The following LDAH variants were observed in gnomAD, a reference collection of about 807,000 sequenced individuals.
The protein encoded by LDAH is lipid droplet associated hydrolase, also known as lipid droplet-associated hydrolase.
In LDAH, 26 loss-of-function variants were observed where a neutral mutation model predicts 29.6. The observed-to-expected ratio is 0.88, with a 90% confidence interval of 0.64 to 1.22. The LOEUF (loss-of-function observed/expected upper bound fraction) is 1.22. Among genes scored for constraint, LDAH ranks in the 50% most tolerant of loss-of-function variants. LDAH has a pLI of 0.00. For missense variants in LDAH, 344 were observed against 387.3 expected, an observed-to-expected ratio of 0.89 and a Z score of 0.94; for synonymous variants, 117 against 133.0, an observed-to-expected ratio of 0.88 and a Z score of 0.83.
At chr2:20,782,108 G>C (rs944591036) in intron 3 of LDAH, among the ~76,000 whole-genome samples, 1 of 152,104 alleles carries the variant, frequency 6.6e-6, no homozygotes, top group African/African-American at 2.4e-5. Context: ...TGAAAATGTG[G>C]TCCCGAAAAT....
intron 1 of LDAH, among the ~76,000 whole-genome samples, chr2:20,822,303 A>G (rs2125188009): frequency 6.6e-6 from 1 of 151,770 alleles, no homozygotes; most frequent in South Asian, 2.1e-4. Flanking sequence ...TTATTTATTT[A>G]TGTATTTATT....
chr2:20,725,791 C>G (rs918836593), intron 5 of LDAH, among the ~76,000 whole-genome samples: 1 of 152,266 alleles, frequency 6.6e-6, no homozygotes, highest in Non-Finnish European at 1.5e-5. Flanking sequence ...AGGCCTTTTG[C>G]CTTTCTCCCC....
At chr2:20,745,181 C>T (rs1558436246) in intron 4 of LDAH, among the ~76,000 whole-genome samples, 3 of 152,264 alleles carry the variant, frequency 2.0e-5, no homozygotes, top group East Asian at 3.9e-4. Flanking sequence ...AAAGTAGAAA[C>T]ACTGGGTCAT....
chr2:20,683,816 A>G (rs565510862), downstream of LDAH, among the ~76,000 whole-genome samples: 36 of 152,310 alleles, frequency 2.4e-4, no homozygotes, highest in African/African-American at 7.9e-4. Flanking sequence ...TATGCCAGGC[A>G]ACATACTAAA....
chr2:20,796,143 A>G lies in LDAH; in HGVS notation c.154+5167T>C, dbSNP rs144364377. 1.3e-3 allele frequency among the ~76,000 whole-genome samples: 200 copies of G among 152,298 alleles called. 1 individual carries two copies. The highest frequency in any genetic ancestry group is 4.5e-3 in the African/African-American group (188 of 41,562). ...CCTCCATTCTCAGTGTCTTCACTGAATACTCCCTTTATCTCCTCACCATAT... is the reference window on the plus strand; with the variant it reads ...CCTCCATTCTCAGTGTCTTCACTGAGTACTCCCTTTATCTCCTCACCATAT... On this transcript the variant is annotated intron_variant, in intron 2 of 6. Transcript: ENST00000237822.
chr2:20,817,480 C>T (rs1159179068), intron 1 of LDAH, among the ~76,000 whole-genome samples: 2 of 152,026 alleles, frequency 1.3e-5, no homozygotes, highest in Non-Finnish European at 2.9e-5. Context: ...TCTACCTATA[C>T]CTTAACAAAA....
intron 5 of LDAH, among the ~76,000 whole-genome samples, chr2:20,730,506 G>A (rs1370978881): frequency 6.6e-6 from 1 of 152,098 alleles, no homozygotes; most frequent in Non-Finnish European, 1.5e-5. Context: ...TAGCCATTCT[G>A]ATAGGTGTGT....
chr2:20,802,454 T>G (rs924039023), intron 1 of LDAH, among the ~76,000 whole-genome samples: 2 of 152,216 alleles, frequency 1.3e-5, no homozygotes, highest in Non-Finnish European at 1.5e-5. Flanking sequence ...AACCATTTCC[T>G]GAGTAATTAG....
chr2:20,715,210 G>A (rs1025065038), intron 5 of LDAH, among the ~76,000 whole-genome samples: 1 of 152,174 alleles, frequency 6.6e-6, no homozygotes, highest in East Asian at 1.9e-4. Context: ...TCCCTGGGAC[G>A]CAAGGCTGTT....
intron 4 of LDAH, among the ~76,000 whole-genome samples, chr2:20,745,066 TC>T (rs1470508910): frequency 6.6e-6 from 1 of 152,206 alleles, no homozygotes; most frequent in Non-Finnish European, 1.5e-5. Context: ...AGTGGCAACT[TC>T]TAAGCTCCCT....
chr2:20,817,323 T>C (rs1352739843), intron 1 of LDAH, among the ~76,000 whole-genome samples: 1 of 151,926 alleles, frequency 6.6e-6, no homozygotes, highest in Non-Finnish European at 1.5e-5. Flanking sequence ...AAATTACTAA[T>C]ACAGTAGCAA....
intron 6 of LDAH, among the ~76,000 whole-genome samples, chr2:20,692,460 T>C (rs1663102751): frequency 6.6e-6 from 1 of 152,242 alleles, no homozygotes; most frequent in Non-Finnish European, 1.5e-5. Flanking sequence ...AGCAACATCT[T>C]AAAATAATAA....
At chr2:20,821,790 G>GA (rs995012888) in intron 1 of LDAH, among the ~76,000 whole-genome samples, 5 of 151,874 alleles carry the variant, frequency 3.3e-5, no homozygotes, top group Admixed American at 2.0e-4. Flanking sequence ...AAAAAAGAAA[G>GA]AAAAAATCCT....
intron 1 of LDAH, among the ~76,000 whole-genome samples, chr2:20,806,749 T>C (rs887811009): frequency 3.3e-5 from 5 of 150,954 alleles, no homozygotes; most frequent in South Asian, 2.1e-4. Context: ...CAATAGAGAA[T>C]AGAAAATAGG....
chr2:20,771,445 A>G (rs759396165), intron 4 of LDAH, among the ~76,000 whole-genome samples: 1 of 152,256 alleles, frequency 6.6e-6, no homozygotes, highest in Non-Finnish European at 1.5e-5. Context: ...ATTTTTGGCA[A>G]AATGATTAAG....
At chr2:20,801,661 G>C (rs181669359) in intron 1 of LDAH, among the ~76,000 whole-genome samples, 196 bp from the exon 2 acceptor site, 21 of 152,262 alleles carry the variant, frequency 1.4e-4, no homozygotes, top group African/African-American at 5.1e-4. Flanking sequence ...AGCCACGAAA[G>C]TACTTAGAAA....
At chr2:20,768,073 G>A (rs1407675149) in intron 4 of LDAH, among the ~76,000 whole-genome samples, 1 of 152,134 alleles carries the variant, frequency 6.6e-6, no homozygotes, top group Non-Finnish European at 1.5e-5. Context: ...CTGTTTTATT[G>A]CTCAATAAAG....
chr2:20,739,092 T>C (rs1282148085), intron 5 of LDAH, among the ~76,000 whole-genome samples: 1 of 152,254 alleles, frequency 6.6e-6, no homozygotes, highest in Admixed American at 6.5e-5. Context: ...AACCTCTTTG[T>C]ACCTCAGTTG....
At chr2:20,758,344 G>C (rs547780051) in intron 4 of LDAH, among the ~76,000 whole-genome samples, 1 of 152,294 alleles carries the variant, frequency 6.6e-6, no homozygotes, top group East Asian at 1.9e-4. Flanking sequence ...GCAGGAATTA[G>C]TAATTATAAC....
Sources: allele counts gnomAD v4.1 joint callset (sites outside exome capture counted in the v4.1 genomes callset), GRCh38; gene constraint gnomAD v4.1.1; transcripts MANE v1.5; gene names NCBI Gene and HGNC (gene_info 2026-07-23, HGNC 2026-07-21).